Variants in ABL2 observed in about 807,000 individuals in gnomAD.
ABL2 encodes tyrosine-protein kinase ABL2.
In ABL2, 49 loss-of-function variants were observed where a neutral mutation model predicts 107.7. That is an observed-to-expected ratio of 0.45 (90% CI 0.36 to 0.58). ABL2 has a LOEUF of 0.58. Among genes scored for constraint, ABL2 ranks in the 20% least tolerant of loss-of-function variants. The pLI, the probability that ABL2 is intolerant of heterozygous loss-of-function variation, is 0.00. For missense variants in ABL2, 1,245 were observed against 1,457.0 expected (o/e 0.85, Z 2.37); for synonymous variants, 549 against 548.6 (o/e 1.00, Z -0.01).
At chr1:179,110,680 T>C in intron 10 of ABL2, 2 of 1,576,418 alleles carry the variant, frequency 1.3e-6, no homozygotes, top group Non-Finnish European at 1.7e-6. Context: ...CATTGCTGTG[T>C]AGCATGCCAA....
intron 5 of ABL2, among the ~76,000 whole-genome samples, 186 bp from the exon 6 acceptor site, chr1:179,120,460 C>T (rs1557923000): frequency 6.6e-6 from 1 of 152,124 alleles, no homozygotes; most frequent in East Asian, 1.9e-4. Flanking sequence ...GACACGGTCT[C>T]GCTCTGTTAC....
intron 1 of ABL2, among the ~76,000 whole-genome samples, chr1:179,214,187 A>T (rs1217703023): frequency 6.6e-6 from 1 of 152,058 alleles, no homozygotes; most frequent in East Asian, 1.9e-4. Flanking sequence ...AATGAAAAAG[A>T]TTTTACTGAG....
chr1:179,200,868 C>G (rs2102844626), intron 1 of ABL2, among the ~76,000 whole-genome samples: 1 of 152,290 alleles, frequency 6.6e-6, no homozygotes, highest in South Asian at 2.1e-4. Flanking sequence ...CAAGTCTTCT[C>G]CCAGTGGAGT....
intron 1 of ABL2, chr1:179,184,143 C>T: frequency 3.0e-6 from 1 of 333,162 alleles, no homozygotes; most frequent in Non-Finnish European, 5.7e-6. Context: ...CAACCATCCT[C>T]AAGTGTCTGC....
At chr1:179,110,708 A>G in intron 10 of ABL2, 1 of 1,605,676 alleles carries the variant, frequency 6.2e-7, no homozygotes. Context: ...ATATACCACA[A>G]TCCACCTGTT....
intron 1 of ABL2, among the ~76,000 whole-genome samples, chr1:179,192,814 A>T (rs1469409010): frequency 6.6e-6 from 1 of 152,196 alleles, no homozygotes; most frequent in Non-Finnish European, 1.5e-5. Flanking sequence ...TAATAAATAC[A>T]AGAGTCTGAA....
chr1:179,109,865 T>C (rs958628894), intron 11 of ABL2, among the ~76,000 whole-genome samples: 1 of 151,052 alleles, frequency 6.6e-6, no homozygotes, highest in Admixed American at 6.6e-5. Flanking sequence ...AAGGCGGAGC[T>C]TGCAGTGAGC....
intron 1 of ABL2, among the ~76,000 whole-genome samples, chr1:179,156,079 G>A (rs781234596): frequency 1.4e-4 from 22 of 152,104 alleles, no homozygotes; most frequent in Non-Finnish European, 4.4e-5. Flanking sequence ...AACATAACAA[G>A]CTTTTCATAT....
chr1:179,159,511 T>C (rs559139628), intron 1 of ABL2, among the ~76,000 whole-genome samples: 3 of 152,220 alleles, frequency 2.0e-5, no homozygotes, highest in Non-Finnish European at 2.9e-5. Context: ...ATTTAAGAGA[T>C]ACATCTGTTT....
intron 6 of ABL2, among the ~76,000 whole-genome samples, chr1:179,119,490 G>A (rs1654972874): frequency 6.8e-6 from 1 of 148,116 alleles, no homozygotes; most frequent in South Asian, 2.1e-4. Context: ...CAGCCAGGGT[G>A]ACAGAGCAAG....
At chr1:179,116,230 C>T (rs1557916818) in intron 8 of ABL2, among the ~76,000 whole-genome samples, 1 of 151,858 alleles carries the variant, frequency 6.6e-6, no homozygotes, top group Non-Finnish European at 1.5e-5. Context: ...AAAAATTAGC[C>T]GGGCATGGTG....
At chr1:179,160,139 AC>A (rs906940150) in intron 1 of ABL2, among the ~76,000 whole-genome samples, 3 of 151,996 alleles carry the variant, frequency 2.0e-5, no homozygotes, top group Non-Finnish European at 4.4e-5. Flanking sequence ...AACATACATA[AC>A]TTGTATTTTA....
chr1:179,170,499 C>T (rs1659655774), intron 1 of ABL2, among the ~76,000 whole-genome samples: 1 of 152,152 alleles, frequency 6.6e-6, no homozygotes, highest in South Asian at 2.1e-4. Flanking sequence ...TCACTGCAAC[C>T]TCTGCCTCCC....
Position 179,105,572 on chromosome 1 carries a change from G to A in ABL2, c.*2146C>T, listed in dbSNP as rs1653413180. 4.4e-6 allele frequency: 1 copy of A among 229,162 alleles called. No homozygotes were observed. The highest frequency in any genetic ancestry group is 8.6e-6 in the Non-Finnish European group (1 of 115,622). 14.2% of individuals were successfully genotyped at this position (229,162 alleles called of 1,614,324 possible). A position where few individuals can be genotyped will look rare whatever the true frequency, so the allele number is the denominator to read the frequency against. On this transcript the variant is annotated 3_prime_UTR_variant, in exon 12 of 12. Transcript: ENST00000502732. ...AGTTCTCTTCCAACCACTAGGAGGAGATGAACCCAATCACTAGCTGCCTGT... is the reference window on the plus strand; with the variant it reads ...AGTTCTCTTCCAACCACTAGGAGGAAATGAACCCAATCACTAGCTGCCTGT...
intron 9 of ABL2, 64 bp from the exon 10 acceptor site, chr1:179,112,462 T>A: frequency 1.5e-6 from 2 of 1,294,094 alleles, no homozygotes; most frequent in Non-Finnish European, 2.2e-6. Flanking sequence ...GTGGTGTATC[T>A]AATAATGAGT....
At chr1:179,150,388 C>T (rs1174343894) in intron 1 of ABL2, among the ~76,000 whole-genome samples, 2 of 152,166 alleles carry the variant, frequency 1.3e-5, no homozygotes, top group South Asian at 2.1e-4. Context: ...AATAGCAACA[C>T]TAACAAGAGT....
chr1:179,158,297 T>C (rs889363903), intron 1 of ABL2, among the ~76,000 whole-genome samples: 3 of 152,212 alleles, frequency 2.0e-5, no homozygotes, highest in Admixed American at 1.3e-4. Context: ...AGAGAAATAA[T>C]ACATAACAGG....
chr1:179,124,464 C>CTTTTTTTTTTTTTTTTTTT lies in ABL2; in HGVS notation c.687+1894_687+1912dup, dbSNP rs562899587. On this transcript the variant is annotated intron_variant, in intron 4 of 11. Coordinates refer to ENST00000502732, the MANE Select transcript of ABL2 (RefSeq NM_007314.4). ...TTCTAACATCTTAGATTAGCTTCTGCTTTTTTTTTTTTTTTTTTTTTTGAG... is the reference window on the plus strand; with the variant it reads ...TTCTAACATCTTAGATTAGCTTCTGCTTTTTTTTTTTTTTTTTTTTTTTTTTTTTTTTTTTTTTTTTGAG... Among the ~76,000 whole-genome samples the CTTTTTTTTTTTTTTTTTTT allele has an allele frequency of 6.0e-5, 5 of 83,350 alleles. 2 individuals carry two copies. Among genetic ancestry groups the CTTTTTTTTTTTTTTTTTTT allele is most frequent in the African/African-American group, 2.1e-4 (4 of 18,838 alleles). 54.7% of individuals were successfully genotyped at this position (83,350 alleles called of 152,430 possible).
chr1:179,152,777 A>G (rs901921794), intron 1 of ABL2, among the ~76,000 whole-genome samples: 1 of 152,216 alleles, frequency 6.6e-6, no homozygotes. Flanking sequence ...AGAATAACTA[A>G]AAGTCTGCTG....
Sources: gnomAD v4.1 joint callset for allele counts (sites outside exome capture counted in the v4.1 genomes callset) on GRCh38, gnomAD v4.1.1 for gene constraint, MANE v1.5 for transcripts, NCBI Gene and HGNC (gene_info 2026-07-23, HGNC 2026-07-21) for gene names.